The following SYT11 variants were observed in gnomAD, a reference collection of about 807,000 sequenced individuals.
SYT11 encodes the protein synaptotagmin-11.
Under a neutral mutation model 30.4 loss-of-function variants are expected in SYT11, and 12 were observed. That is an observed-to-expected ratio of 0.39 (90% CI 0.25 to 0.64). SYT11 has a LOEUF of 0.64. Ranked by LOEUF, SYT11 falls within the 30% of genes least tolerant of loss-of-function variation. The pLI is 0.45. For synonymous variants in SYT11, 204 were observed against 216.0 expected, an observed-to-expected ratio of 0.94 and a Z score of 0.49; for missense variants, 412 against 552.0, an observed-to-expected ratio of 0.75 and a Z score of 2.54.
rs538608004 is a variant in SYT11, at chr1:155,881,322, C to A, written c.1110C>A (p.Asp370Glu). Residue 370 changes from aspartate (D) to glutamate (E), a missense_variant, in exon 4 of 4, where the codon GAC becomes GAA. Transcript: ENST00000368324. ...NESFIYDIPT[D>E]LLPDISIEFL... ...CTTTCATCTACGACATCCCCACTGACCTCCTGCCTGATATCAGCATCGAGT... is the reference window on the plus strand; with the variant it reads ...CTTTCATCTACGACATCCCCACTGAACTCCTGCCTGATATCAGCATCGAGT... 6.2e-7 allele frequency: 1 copy of A among 1,614,214 alleles called. No homozygotes were observed. Among genetic ancestry groups the A allele is most frequent in the Non-Finnish European group, 8.5e-7 (1 of 1,180,030 alleles).
chr1:155,873,350 C>G (rs567316437), intron 2 of SYT11, among the ~76,000 whole-genome samples: 2 of 152,048 alleles, frequency 1.3e-5, no homozygotes, highest in East Asian at 1.9e-4. Context: ...TGCTTGAACC[C>G]GGGAGACAGA....
In SYT11 at chr1:155,881,237, G is replaced by T. The variant is rs929343111; in HGVS notation, c.1025G>T (p.Arg342Leu). ...VKVNVYYGRKRIAKKKTHVKK... is the reference protein window; with the variant it reads ...VKVNVYYGRKLIAKKKTHVKK... The stretch of plus-strand genomic sequence containing the variant: ...GTGAACGTCTACTACGGCAGAAAGC[G>T]CATTGCCAAGAAGAAAACCCATGTG... The change falls in exon 4 of 4, where the codon CGC becomes CTC. Residue 342 changes from arginine to leucine, a missense_variant. Coordinates refer to ENST00000368324, the MANE Select transcript of SYT11 (RefSeq NM_152280.5). 1.9e-6 allele frequency: 3 copies of T among 1,614,132 alleles called. No individual in the cohort carries two copies. Among genetic ancestry groups the T allele is most frequent in the Non-Finnish European group, 2.5e-6 (3 of 1,180,026 alleles).
Position 155,868,825 on chromosome 1 carries a change from A to G in SYT11, c.861+34A>G. 1 of 1,571,002 alleles carries G rather than the reference A, an allele frequency of 6.4e-7. No homozygotes were observed. The highest frequency in any genetic ancestry group is 8.7e-7 in the Non-Finnish European group (1 of 1,153,182). ...GAAGTGTGTGTTGGGGAGCAATGGT[A>G]GGTTGGGGGAGAAAATATCTCAGGG... On this transcript the variant is annotated intron_variant, in intron 2 of 3. Coordinates refer to ENST00000368324, the MANE Select transcript of SYT11 (RefSeq NM_152280.5). This position sits in a 1 kb window ranked among gnomAD's most constrained non-coding sequence, Gnocchi z 4.7.
At chr1:155,871,726 T>A (rs822518) in intron 2 of SYT11, among the ~76,000 whole-genome samples, 147,841 of 152,266 alleles carry the variant, frequency 0.97, 71,935 homozygotes, top group East Asian at 1. Context: ...CCGAGATAGG[T>A]TACCCAGAGC....
chr1:155,871,758 C>A (rs1206687356), intron 2 of SYT11, among the ~76,000 whole-genome samples: 2 of 152,206 alleles, frequency 1.3e-5, no homozygotes, highest in Admixed American at 6.5e-5. Context: ...CACCCTAGAG[C>A]CTTCCAGCCT....
Position 155,868,009 on chromosome 1 carries a change from G to A in SYT11, c.79G>A (p.Val27Met), listed in dbSNP as rs1672709272. ...CGGCCTCATCGGGGCCTCTGTGCTG[G>A]TGGTGTGTGTCTCGGTGACCGTCTT... ...VAGLIGASVL[V>M]VCVSVTVFVW... The change falls in exon 2 of 4, where the codon GTG becomes ATG. Residue 27 changes from valine (V) to methionine (M), a missense_variant. By Grantham distance (21) the Val-to-Met change is conservative. Transcript: ENST00000368324. This position sits in a 1 kb window ranked among gnomAD's most constrained non-coding sequence, Gnocchi z 4.7. 3 of 1,612,958 alleles carry A rather than the reference G, an allele frequency of 1.9e-6. No homozygotes were observed. The South Asian group carries it at 3.3e-5, about 18-fold the overall frequency.
intron 1 of SYT11, among the ~76,000 whole-genome samples, chr1:155,866,326 A>C (rs974392694): frequency 4.6e-5 from 7 of 152,246 alleles, no homozygotes; most frequent in South Asian, 4.1e-4. Context: ...CATGTTGGCC[A>C]GGCTGGTTTT....
intron 1 of SYT11, among the ~76,000 whole-genome samples, chr1:155,866,458 G>A (rs748764547): frequency 2.0e-5 from 3 of 152,192 alleles, no homozygotes; most frequent in Non-Finnish European, 2.9e-5. Flanking sequence ...CATAGTGCCT[G>A]CTATGTGTTT....
intron 2 of SYT11, among the ~76,000 whole-genome samples, chr1:155,876,541 C>T (rs1557949765): frequency 6.6e-6 from 1 of 151,744 alleles, no homozygotes; most frequent in African/African-American, 2.4e-5. Context: ...CCACTGCACC[C>T]GGCCAAAACT....
intron 2 of SYT11, among the ~76,000 whole-genome samples, chr1:155,875,159 A>G (rs372541090): frequency 2.9e-5 from 4 of 136,064 alleles, no homozygotes; most frequent in African/African-American, 1.0e-4. Flanking sequence ...AGGCTGAGGC[A>G]GGAGAATTGC....
In SYT11 at chr1:155,870,621, G is replaced by A. The variant is rs527395454; in HGVS notation, c.861+1830G>A. Among the ~76,000 whole-genome samples the A allele has an allele frequency of 1.3e-3, 199 of 152,280 alleles. 1 individual carries two copies. Among genetic ancestry groups the A allele is most frequent in the African/African-American group, 4.6e-3 (191 of 41,550 alleles). On this transcript the variant is annotated intron_variant, in intron 2 of 3. Coordinates refer to ENST00000368324, the MANE Select transcript of SYT11 (RefSeq NM_152280.5). ...CTGCAAGTCCTCACTGGACTCAGTGGGTAGACAGGAGGCTCAGGACTGGAT... is the reference window on the plus strand; with the variant it reads ...CTGCAAGTCCTCACTGGACTCAGTGAGTAGACAGGAGGCTCAGGACTGGAT...
intron 1 of SYT11, among the ~76,000 whole-genome samples, chr1:155,861,453 G>C (rs1290230698): frequency 6.6e-6 from 1 of 152,154 alleles, no homozygotes; most frequent in Non-Finnish European, 1.5e-5. Context: ...TTGGGAAAGG[G>C]AAAATAAATT....
chr1:155,872,422 G>A (rs1379226315), intron 2 of SYT11, among the ~76,000 whole-genome samples: 18 of 152,206 alleles, frequency 1.2e-4, no homozygotes, highest in Admixed American at 1.2e-3. Flanking sequence ...TCTGAAAGAG[G>A]TTCTGCTAAT....
chr1:155,876,308 C>T (rs374996655), intron 2 of SYT11, among the ~76,000 whole-genome samples: 9 of 140,026 alleles, frequency 6.4e-5, no homozygotes, highest in African/African-American at 1.9e-4. Flanking sequence ...TGCAGTGGCG[C>T]GATCTCGGCT....
At chr1:155,873,102 G>C (rs758563897) in intron 2 of SYT11, among the ~76,000 whole-genome samples, 1 of 152,102 alleles carries the variant, frequency 6.6e-6, no homozygotes, top group Non-Finnish European at 1.5e-5. Context: ...CTTGTCATTC[G>C]TGTTATTCTT....
rs755236005 is a variant in SYT11 at position 155,884,741 on chromosome 1, T to A, written c.*3233T>A. 1 of 152,820 alleles carries A rather than the reference T, an allele frequency of 6.5e-6. No individual in the cohort carries two copies. The highest frequency in any genetic ancestry group is 1.5e-5 in the Non-Finnish European group (1 of 68,048). 9.5% of individuals were successfully genotyped at this position (152,820 alleles called of 1,614,324 possible). The stretch of plus-strand genomic sequence containing the variant: ...CCTTTGGGAAGACAAGAATTTTTCT[T>A]AATAACAAAGGTCCCTTTATGAGTT... On this transcript the variant is annotated 3_prime_UTR_variant, in exon 4 of 4. Transcript: ENST00000368324.
intron 1 of SYT11, among the ~76,000 whole-genome samples, chr1:155,861,659 C>T (rs1205305299): frequency 1.3e-5 from 2 of 152,148 alleles, no homozygotes; most frequent in African/African-American, 4.8e-5. Flanking sequence ...GATCTTGTTG[C>T]CCAGGTTGGA....
chr1:155,863,824 G>A (rs1372201926), intron 1 of SYT11, among the ~76,000 whole-genome samples: 1 of 152,014 alleles, frequency 6.6e-6, no homozygotes, highest in Non-Finnish European at 1.5e-5. Context: ...AGGAAGCTGA[G>A]GCAGGAGAAT....
At chr1:155,863,894 C>T (rs1395461989) in intron 1 of SYT11, among the ~76,000 whole-genome samples, 1 of 150,912 alleles carries the variant, frequency 6.6e-6, no homozygotes, top group East Asian at 1.9e-4. Flanking sequence ...GCACTCAAGT[C>T]TGGGCAAAGC....
Sources: allele counts gnomAD v4.1 joint callset (sites outside exome capture counted in the v4.1 genomes callset), GRCh38; gene constraint gnomAD v4.1.1; non-coding constraint Gnocchi (gnomAD v3.1); transcripts MANE v1.5; gene names NCBI Gene and HGNC (gene_info 2026-07-23, HGNC 2026-07-21).